SGSM1: variants seen among roughly 807,000 people sequenced by gnomAD.
SGSM1 encodes RUN and TBC1 domain containing 2.
A neutral mutation model predicts 133.8 loss-of-function variants in SGSM1; 73 were observed. The observed-to-expected ratio is 0.55, with a 90% confidence interval of 0.45 to 0.66. The LOEUF (loss-of-function observed/expected upper bound fraction) is 0.66. SGSM1 is among the 30% of genes least tolerant of loss of function. SGSM1 has a pLI of 0.00. For synonymous variants in SGSM1, 563 were observed against 573.0 expected, an observed-to-expected ratio of 0.98 and a Z score of 0.25; for missense variants, 1,213 against 1,448.1, an observed-to-expected ratio of 0.84 and a Z score of 2.64.
At chr22:24,864,253 A>AC (rs1931323149) in intron 9 of SGSM1, among the ~76,000 whole-genome samples, 1 of 152,200 alleles carries the variant, frequency 6.6e-6, no homozygotes, top group African/African-American at 2.4e-5. Flanking sequence ...CAATTTACAG[A>AC]CCAACTTGGC....
At position 24,841,817 on chromosome 22, in the gene SGSM1, A is replaced by C. The variant is rs1013141554; in HGVS notation, c.64-3080A>C. On this transcript the variant is annotated intron_variant, in intron 2 of 24. Transcript: ENST00000400358. ...TCGCTCTATCGCCAGGCTGGAGTGCAGTGGCACGATCTCGGCTTACTGCAA... is the reference window on the plus strand; with the variant it reads ...TCGCTCTATCGCCAGGCTGGAGTGCCGTGGCACGATCTCGGCTTACTGCAA... Among the ~76,000 whole-genome samples, 6 of 152,342 alleles carry C rather than the reference A, an allele frequency of 3.9e-5. No individual in the cohort carries two copies. The South Asian group carries it at 6.2e-4, about 16-fold the overall frequency.
chr22:24,893,897 T>C (rs2123695237), intron 17 of SGSM1, among the ~76,000 whole-genome samples: 1 of 152,308 alleles, frequency 6.6e-6, no homozygotes, highest in South Asian at 2.1e-4. Context: ...GAGGTTCGTG[T>C]ACAGTCCAAA....
Position 24,884,212 on chromosome 22 carries a change from G to A in SGSM1, c.1641+14G>A. ...CACGACAGCACAGTAAGGCTTAGCT[G>A]GGCTTGGTCTGCAGTGATGCAGAGG... On this transcript the variant is annotated intron_variant, in intron 15 of 24. Transcript: ENST00000400358. 1 of 1,609,632 alleles carries A rather than the reference G, an allele frequency of 6.2e-7. No homozygotes were observed. The highest frequency in any genetic ancestry group is 8.5e-7 in the Non-Finnish European group (1 of 1,176,796).
chr22:24,899,133 G>A lies in SGSM1; in HGVS notation c.2610+574G>A, dbSNP rs1031391100. On this transcript the variant is annotated intron_variant, in intron 19 of 24. Transcript: ENST00000400358. ...AACAGAGTAATAGGTAAGCCATGTA[G>A]TAAACTGTCCTAATTTTTGTCTTTC... Among the ~76,000 whole-genome samples the A allele has an allele frequency of 2.7e-5, 4 of 150,636 alleles. No individual in the cohort carries two copies. In the Admixed American group the frequency reaches 2.7e-4, roughly 10 times the overall value.
At chr22:24,819,082 C>T (rs903089273) in intron 2 of SGSM1, among the ~76,000 whole-genome samples, 2 of 150,132 alleles carry the variant, frequency 1.3e-5, no homozygotes. Context: ...GGAGGCGGAG[C>T]TTGCAGTGAG....
intron 8 of SGSM1, among the ~76,000 whole-genome samples, chr22:24,859,080 G>C (rs747959353): frequency 6.6e-6 from 1 of 152,204 alleles, no homozygotes; most frequent in African/African-American, 2.4e-5. Flanking sequence ...AAGACAGTGC[G>C]TGTGAAGGCT....
intron 23 of SGSM1, among the ~76,000 whole-genome samples, chr22:24,918,033 A>G (rs1933879722): frequency 6.6e-6 from 1 of 152,194 alleles, no homozygotes; most frequent in African/African-American, 2.4e-5. Context: ...TAGGGTGAGT[A>G]CAGCCAGGAC....
rs554115552 is a variant in SGSM1, at chr22:24,873,714, A to C, written c.1292-2863A>C. The stretch of plus-strand genomic sequence containing the variant: ...AAAAATTTTAAAACATTAGCTGGCC[A>C]TGCTGGCACGTGCGTGTAGTCCCAG... On this transcript the variant is annotated intron_variant, in intron 12 of 24. Transcript: ENST00000400358. 1.3e-3 allele frequency among the ~76,000 whole-genome samples: 194 copies of C among 152,268 alleles called. 1 individual carries two copies. The highest frequency in any genetic ancestry group is 2.4e-3 in the Non-Finnish European group (160 of 68,018).
intron 2 of SGSM1, among the ~76,000 whole-genome samples, chr22:24,824,796 C>T (rs1321527351): frequency 6.6e-6 from 1 of 152,160 alleles, no homozygotes; most frequent in Non-Finnish European, 1.5e-5. Flanking sequence ...GCTGTCAGGT[C>T]TGGTTTCTTT....
chr22:24,819,809 C>G (rs901040152), intron 2 of SGSM1, among the ~76,000 whole-genome samples: 1 of 152,194 alleles, frequency 6.6e-6, no homozygotes, highest in Non-Finnish European at 1.5e-5. Flanking sequence ...TAGTCCTTAT[C>G]TAGAAAGGTG....
At chr22:24,815,396 TAAACTC>T in intron 2 of SGSM1, among the ~76,000 whole-genome samples, 1 of 152,310 alleles carries the variant, frequency 6.6e-6, no homozygotes, top group South Asian at 2.1e-4. Flanking sequence ...CCTGACCAAC[TAAACTC>T]AGAGGTTTAT....
At chr22:24,914,474 C>G (rs983271953) in intron 22 of SGSM1, among the ~76,000 whole-genome samples, 18 of 60,450 alleles carry the variant, frequency 3.0e-4, no homozygotes, top group African/African-American at 8.5e-4. Flanking sequence ...AGACTCTGTC[C>G]CCCCCCCCAA....
At chr22:24,883,078 T>TC (rs1193526793) in intron 14 of SGSM1, among the ~76,000 whole-genome samples, 1 of 151,610 alleles carries the variant, frequency 6.6e-6, no homozygotes, top group African/African-American at 2.4e-5. Context: ...TGTATTTTTT[T>TC]TTTTTTTAGT....
At chr22:24,844,558 C>T in intron 2 of SGSM1, 2 of 216,906 alleles carry the variant, frequency 9.2e-6, no homozygotes, top group South Asian at 1.4e-4. Context: ...GTGGTGAGTG[C>T]CCTACAGGAA....
At chr22:24,855,926 C>T (rs1430291427) in intron 8 of SGSM1, 4 of 677,118 alleles carry the variant, frequency 5.9e-6, no homozygotes, top group Non-Finnish European at 1.1e-5. Context: ...TCCATCCATC[C>T]ACCCATCTTT....
chr22:24,854,128 G>GT (rs573822740), intron 5 of SGSM1, among the ~76,000 whole-genome samples: 172 of 152,252 alleles, frequency 1.1e-3, no homozygotes, highest in African/African-American at 3.8e-3. Context: ...TGGGATTTGG[G>GT]TGAGGACACA....
chr22:24,926,467 C>CTG lies in SGSM1; in HGVS notation c.*2194_*2195insGT, dbSNP rs35086379. 32,596 of 152,134 alleles carry CTG rather than the reference C, an allele frequency of 0.21. 4,293 individuals are homozygous for CTG. The highest frequency in any genetic ancestry group is 0.6 in the East Asian group (3,097 of 5,138). The allele number at this position is 152,134 out of a possible 1,614,324, so 9.4% of individuals were successfully genotyped here. On this transcript the variant is annotated 3_prime_UTR_variant, in exon 25 of 25. Coordinates refer to ENST00000400358, the MANE Select transcript of SGSM1 (RefSeq NM_001098497.3). ...GTGCAAAAGGCCCCTCCGGAGAAAA[C>CTG]TATTTTGCCGTTCAGCTGTTCTTTA... is the stretch of plus-strand genomic sequence containing the variant.
At chr22:24,896,184 G>A (rs962686985) in intron 18 of SGSM1, among the ~76,000 whole-genome samples, 11 of 151,942 alleles carry the variant, frequency 7.2e-5, no homozygotes, top group African/African-American at 2.7e-4. Flanking sequence ...AACCAGAAAC[G>A]AATCAGAATG....
chr22:24,898,329 G>A lies in SGSM1; in HGVS notation c.2380G>A (p.Glu794Lys), dbSNP rs563457086. ...CCTCCTGGCCAACGAGAGCATGGAC[G>A]AGTTCATGTCCATCACGGGCAGCCT... is the stretch of plus-strand genomic sequence containing the variant. ...SDLLANESMDEFMSITGSLDM... is the reference protein window; with the variant it reads ...SDLLANESMDKFMSITGSLDM... Residue 794 changes from glutamate to lysine, a missense_variant, in exon 19 of 25, where the codon GAG becomes AAG. Physicochemically the swap from Glu to Lys is moderately conservative, Grantham distance 56 (BLOSUM62 1). Coordinates refer to ENST00000400358, the MANE Select transcript of SGSM1 (RefSeq NM_001098497.3). 25 of 1,613,944 alleles carry A rather than the reference G, an allele frequency of 1.5e-5. No homozygotes were observed. The highest frequency in any genetic ancestry group is 2.2e-5 in the East Asian group (1 of 44,874).
Sources: allele counts gnomAD v4.1 joint callset (sites outside exome capture counted in the v4.1 genomes callset), GRCh38; gene constraint gnomAD v4.1.1; transcripts MANE v1.5; gene names NCBI Gene and HGNC (gene_info 2026-07-23, HGNC 2026-07-21).